The following ADAMTS20 variants were observed in gnomAD, a reference collection of about 807,000 sequenced individuals.
ADAMTS20 encodes the protein ADAM metallopeptidase with thrombospondin type 1 motif 20.
In ADAMTS20, 225 loss-of-function variants were observed where a neutral mutation model predicts 260.1. That is an observed-to-expected ratio of 0.87 (90% confidence interval 0.78 to 0.97). The LOEUF (loss-of-function observed/expected upper bound fraction) is 0.97. Among genes scored for constraint, ADAMTS20 ranks in the 50% least tolerant of loss-of-function variants. The probability of loss-of-function intolerance (pLI) is 0.00; values close to 1 mark genes in which losing one functional copy is unlikely to be tolerated. For missense variants in ADAMTS20, 2,400 were observed against 2,337.7 expected, an observed-to-expected ratio of 1.03 and a Z score of -0.55; for synonymous variants, 802 against 769.5, an observed-to-expected ratio of 1.04 and a Z score of -0.70.
intron 22 of ADAMTS20, among the ~76,000 whole-genome samples, chr12:43,430,902 T>C (rs759613841): frequency 3.9e-5 from 6 of 152,234 alleles, no homozygotes; most frequent in Admixed American, 6.5e-5. Context: ...CTGTCAACTG[T>C]GGCAACCTCT....
intron 11 of ADAMTS20, among the ~76,000 whole-genome samples, chr12:43,460,111 C>T (rs1439499070): frequency 6.6e-6 from 1 of 152,168 alleles, no homozygotes; most frequent in African/African-American, 2.4e-5. Context: ...CTGAATACAG[C>T]TAAATATATA....
At position 43,464,696 on chromosome 12, in the gene ADAMTS20, A is replaced by T; in HGVS notation, c.1404T>A (p.Asp468Glu). The change falls in exon 10 of 39, where the codon GAT becomes GAA. Residue 468 changes from aspartate (D) to glutamate (E), a missense_variant. Physicochemically the swap from Asp to Glu is conservative, Grantham distance 45 (BLOSUM62 2). Transcript: ENST00000389420. ...GYGECLLDKP[D>E]EEIYNLPSEL... ...CTGAAGGCAGATTATATATTTCTTC[A>T]TCTGGTTTGTCAAGAAGACATTCCC... 1 of 1,613,234 alleles carries T rather than the reference A, an allele frequency of 6.2e-7. No homozygotes were observed. The highest frequency in any genetic ancestry group is 8.5e-7 in the Non-Finnish European group (1 of 1,179,400).
At chr12:43,364,625 A>G (rs1167457185) in intron 37 of ADAMTS20, among the ~76,000 whole-genome samples, 1 of 152,162 alleles carries the variant, frequency 6.6e-6, no homozygotes, top group East Asian at 1.9e-4. Context: ...TACTGGAGCT[A>G]GTAGAATTCG....
At position 43,502,413 on chromosome 12, in the gene ADAMTS20, G is replaced by GA. The variant is rs1448151963; in HGVS notation, c.614-9dup. 1.9e-6 allele frequency: 3 copies of GA among 1,565,024 alleles called. No homozygotes were observed. Among genetic ancestry groups the GA allele is most frequent in the South Asian group, 1.2e-5 (1 of 81,190 alleles). On this transcript the variant is annotated splice_polypyrimidine_tract_variant and intron_variant, in intron 3 of 38. Coordinates refer to ENST00000389420, the MANE Select transcript of ADAMTS20 (RefSeq NM_025003.5). ...TTTCCTTTATTTGACTTTCTAGGGAGAAAAAAAGAATATAATGCAGAGCCA... is the reference window on the plus strand; with the variant it reads ...TTTCCTTTATTTGACTTTCTAGGGAGAAAAAAAAGAATATAATGCAGAGCCA...
At chr12:43,454,076 A>G (rs761271743) in intron 11 of ADAMTS20, 24 bp from the exon 12 acceptor site, 3 of 1,604,876 alleles carry the variant, frequency 1.9e-6, no homozygotes, top group African/African-American at 2.7e-5. Flanking sequence ...AAGCACAAAA[A>G]GAAATGATGT....
intron 10 of ADAMTS20, 122 bp downstream of exon 10, chr12:43,464,469 A>T: frequency 2.4e-6 from 3 of 1,231,942 alleles, no homozygotes; most frequent in Non-Finnish European, 3.3e-6. Flanking sequence ...CTTTTTGATA[A>T]ATACTAAATT....
intron 3 of ADAMTS20, among the ~76,000 whole-genome samples, chr12:43,528,187 A>C (rs1943168514): frequency 6.6e-6 from 1 of 151,866 alleles, no homozygotes. Flanking sequence ...AGAAAGCATA[A>C]ATGAATAACA....
intron 36 of ADAMTS20, among the ~76,000 whole-genome samples, chr12:43,371,781 G>A (rs575752439): frequency 6.6e-6 from 1 of 152,280 alleles, no homozygotes; most frequent in South Asian, 2.1e-4. Context: ...AGAGGGAATA[G>A]AGGTGGAAAG....
intron 11 of ADAMTS20, among the ~76,000 whole-genome samples, chr12:43,459,260 G>A (rs753155208): frequency 2.0e-5 from 3 of 152,136 alleles, no homozygotes; most frequent in Non-Finnish European, 4.4e-5. Context: ...CTGATCCAGC[G>A]AGATGCCCAT....
At chr12:43,445,883 G>T (rs1302066115) in intron 15 of ADAMTS20, among the ~76,000 whole-genome samples, 1 of 151,868 alleles carries the variant, frequency 6.6e-6, no homozygotes. Flanking sequence ...AAGGTTGTAA[G>T]AAATAAATTT....
At chr12:43,427,962 C>A (rs991534543) in intron 26 of ADAMTS20, among the ~76,000 whole-genome samples, 6 of 152,114 alleles carry the variant, frequency 3.9e-5, no homozygotes, top group African/African-American at 7.2e-5. Flanking sequence ...TAGTCTTACC[C>A]CTTAAAGCAT....
intron 3 of ADAMTS20, among the ~76,000 whole-genome samples, chr12:43,504,665 T>C (rs1303424423): frequency 1.3e-5 from 2 of 152,196 alleles, no homozygotes; most frequent in Non-Finnish European, 2.9e-5. Flanking sequence ...ATATTGCATG[T>C]CTAATCCATA....
intron 3 of ADAMTS20, among the ~76,000 whole-genome samples, chr12:43,509,372 A>T (rs1208710538): frequency 6.6e-6 from 1 of 152,050 alleles, no homozygotes; most frequent in East Asian, 1.9e-4. Context: ...ATCAATACAG[A>T]TCTCAGGGGT....
At position 43,428,241 on chromosome 12, in the gene ADAMTS20, T is replaced by G. The variant is rs1941369115; in HGVS notation, c.3945A>C (p.Ser1315=). 1 of 1,613,204 alleles carries G rather than the reference T, an allele frequency of 6.2e-7. No individual in the cohort carries two copies. Among genetic ancestry groups the G allele is most frequent in the Non-Finnish European group, 8.5e-7 (1 of 1,179,392 alleles). ...GNQWRTGPWG[S]CSSSCSGGLQ... ...ATATAACTCAATAAAGATGGCTTAC[T>G]GATCCCCATGGTCCGGTTCTCCACT... is the stretch of plus-strand genomic sequence containing the variant. Residue 1315 remains serine, a splice_region_variant and synonymous_variant, in exon 26 of 39, where the codon TCA becomes TCC. Transcript: ENST00000389420.
At chr12:43,533,342 A>C (rs1943252510) in intron 2 of ADAMTS20, among the ~76,000 whole-genome samples, 1 of 151,804 alleles carries the variant, frequency 6.6e-6, no homozygotes, top group South Asian at 2.1e-4. Flanking sequence ...TTTTACAAAC[A>C]GAGAGCCAAA....
At position 43,452,654 on chromosome 12, in the gene ADAMTS20, T is replaced by G; in HGVS notation, c.1802A>C (p.Lys601Thr). ...GGNYCVGRRMKFRSCNTDSCP... is the reference protein window; with the variant it reads ...GGNYCVGRRMTFRSCNTDSCP... ...TGAATCAGTATTACATGATCGAAAT[T>G]TCATCCTGCGGCCCACACAGTAATT... The change falls in exon 13 of 39, where the codon AAA becomes ACA. Residue 601 changes from lysine to threonine, a missense_variant. Transcript: ENST00000389420. The G allele has an allele frequency of 1.3e-5, 21 of 1,611,638 alleles. No homozygotes were observed. Among genetic ancestry groups the G allele is most frequent in the Non-Finnish European group, 1.8e-5 (21 of 1,178,712 alleles).
At chr12:43,394,744 G>A (rs557122020) in intron 29 of ADAMTS20, among the ~76,000 whole-genome samples, 42 of 152,102 alleles carry the variant, frequency 2.8e-4, no homozygotes, top group African/African-American at 9.2e-4. Context: ...ATATTAATGG[G>A]ATAACGATAA....
At chr12:43,542,744 A>G (rs1943393145) in intron 2 of ADAMTS20, among the ~76,000 whole-genome samples, 2 of 152,356 alleles carry the variant, frequency 1.3e-5, no homozygotes, top group South Asian at 4.1e-4. Context: ...CAATTATCAA[A>G]ACTTGATCTG....
intron 3 of ADAMTS20, among the ~76,000 whole-genome samples, chr12:43,514,360 C>T (rs1485583680): frequency 6.6e-6 from 1 of 151,542 alleles, no homozygotes; most frequent in African/African-American, 2.4e-5. Context: ...GTCAGAAGAT[C>T]GAGACCATCC....
Sources: allele counts gnomAD v4.1 joint callset (sites outside exome capture counted in the v4.1 genomes callset), GRCh38; gene constraint gnomAD v4.1.1; transcripts MANE v1.5; gene names NCBI Gene and HGNC (gene_info 2026-07-23, HGNC 2026-07-21).